Variants in LGALS13 observed in about 807,000 individuals in gnomAD.
LGALS13 encodes the protein galactoside-binding soluble lectin 13.
A neutral mutation model predicts 13.2 loss-of-function variants in LGALS13; 11 were observed. The ratio of observed to expected loss-of-function variants is 0.83; its 90% CI spans 0.52 to 1.38. LGALS13 has a LOEUF of 1.38. Among genes scored for constraint, LGALS13 ranks in the 40% most tolerant of loss-of-function variants. LGALS13 has a pLI of 0.00. For missense variants in LGALS13, 183 were observed against 174.3 expected (o/e 1.05, Z -0.28); for synonymous variants, 71 against 63.7 (o/e 1.11, Z -0.54).
At chr19:39,605,429 C>G in intron 3 of LGALS13, 41 bp downstream of exon 3, 1 of 1,543,736 alleles carries the variant, frequency 6.5e-7, no homozygotes, top group Non-Finnish European at 8.9e-7. Flanking sequence ...GCTCTGTGGG[C>G]TCCCAAAACA....
chr19:39,607,305 A>G lies in LGALS13; in HGVS notation c.386A>G (p.Asp129Gly). 1 of 1,613,798 alleles carries G rather than the reference A, an allele frequency of 6.2e-7. No homozygotes were observed. The highest frequency in any genetic ancestry group is 8.5e-7 in the Non-Finnish European group (1 of 1,179,730). Residue 129 changes from aspartate to glycine, a missense_variant, in exon 4 of 4, where the codon GAT becomes GGT. Coordinates refer to ENST00000221797, the MANE Select transcript of LGALS13 (RefSeq NM_013268.3). ...SFVKMVQVSR[D>G]ISLTSVCVCN The stretch of plus-strand genomic sequence containing the variant: ...GTGAAGATGGTGCAAGTGTCGAGAG[A>G]TATCTCCCTGACCTCAGTGTGTGTC...
intron 2 of LGALS13, 100 bp from the exon 3 acceptor site, chr19:39,605,077 CT>C (rs1972662307): frequency 1.1e-5 from 11 of 1,017,380 alleles, no homozygotes; most frequent in South Asian, 1.4e-5. Context: ...ATCTGGGAGA[CT>C]TTTTCCCTAG....
intron 3 of LGALS13, 100 bp downstream of exon 3, chr19:39,605,488 TC>T: frequency 1.1e-6 from 1 of 900,878 alleles, no homozygotes; most frequent in Non-Finnish European, 1.8e-6. Flanking sequence ...AGGGTCCATC[TC>T]CCATAACTAC....
rs1303608067 is a variant in LGALS13, at chr19:39,607,242, G to A, written c.323G>A (p.Arg108His). The part of the protein sequence containing the change: ...NEYEIKVNGI[R>H]IYGFVHRIPP... ...TTGTAGATAAAGGTCAATGGCATAC[G>A]CATTTACGGCTTTGTCCATCGAATC... is the stretch of plus-strand genomic sequence containing the variant. The change falls in exon 4 of 4, where the codon CGC becomes CAC. Residue 108 changes from arginine (R) to histidine (H), a missense_variant. Arg to His is a conservative substitution (Grantham distance 29). Coordinates refer to ENST00000221797, the MANE Select transcript of LGALS13 (RefSeq NM_013268.3). The A allele has an allele frequency of 3.7e-6, 6 of 1,613,796 alleles. No homozygotes were observed. Among genetic ancestry groups the A allele is most frequent in the South Asian group, 2.2e-5 (2 of 91,072 alleles).
At chr19:39,602,715 T>A in intron 1 of LGALS13, 132 bp downstream of exon 1, 1 of 895,588 alleles carries the variant, frequency 1.1e-6, no homozygotes, top group South Asian at 1.4e-5. Context: ...AGGTGTGGAA[T>A]AGAAACCCTG....
chr19:39,603,885 G>A, intron 1 of LGALS13: 1 of 940,610 alleles, frequency 1.1e-6, no homozygotes, highest in Non-Finnish European at 1.3e-6. Context: ...TCTACTTGTA[G>A]TCATCATAGA....
intron 1 of LGALS13, chr19:39,603,997 T>C: frequency 2.0e-6 from 2 of 985,216 alleles, no homozygotes; most frequent in African/African-American, 1.7e-5. Context: ...TGGAAGGATG[T>C]CCATGGCCCT....
At chr19:39,606,986 T>C (rs756013870) in intron 3 of LGALS13, among the ~76,000 whole-genome samples, 9 of 152,186 alleles carry the variant, frequency 5.9e-5, no homozygotes, top group Non-Finnish European at 1.2e-4. Context: ...GCAAAGACTT[T>C]GTGACACAGA....
chr19:39,604,142 T>C (rs1238711649), intron 1 of LGALS13: 3 of 349,292 alleles, frequency 8.6e-6, no homozygotes, highest in Non-Finnish European at 1.2e-5. Context: ...CTTGTTTTAA[T>C]TTTCAGAGTT....
At chr19:39,602,712 G>A in intron 1 of LGALS13, 129 bp downstream of exon 1, 1 of 914,288 alleles carries the variant, frequency 1.1e-6, no homozygotes, top group African/African-American at 1.6e-5. Context: ...TTGAGGTGTG[G>A]AATAGAAACC....
At position 39,605,175 on chromosome 19, in the gene LGALS13, C is replaced by T; in HGVS notation, c.93-3C>T. On this transcript the variant is annotated splice_polypyrimidine_tract_variant and splice_region_variant and intron_variant, in intron 2 of 3. Coordinates refer to ENST00000221797, the MANE Select transcript of LGALS13 (RefSeq NM_013268.3). Reference sequence around the variant, plus strand: ...CCCAACATTCTGCGTGCTTCACCCTCAGCAATGACCCACAGCTGCAGGTGG... The same window carrying T: ...CCCAACATTCTGCGTGCTTCACCCTTAGCAATGACCCACAGCTGCAGGTGG... 1 of 1,613,666 alleles carries T rather than the reference C, an allele frequency of 6.2e-7. No homozygotes were observed. Among genetic ancestry groups the T allele is most frequent in the South Asian group, 1.1e-5 (1 of 91,054 alleles).
rs1972653270 is a variant in LGALS13 at position 39,604,635 on chromosome 19, G to A, written c.49G>A (p.Gly17Ser). The A allele has an allele frequency of 1.2e-6, 2 of 1,614,064 alleles. No homozygotes were observed. Among genetic ancestry groups the A allele is most frequent in the African/African-American group, 1.3e-5 (1 of 74,924 alleles). Reference protein sequence around the residue: ...PYKLPVSLSVGSCVIIKGTPI... With the variant: ...PYKLPVSLSVSSCVIIKGTPI... ...CAAACTGCCTGTGTCTTTGTCTGTT[G>A]GTTCCTGCGTGATAATCAAAGGGAC... Residue 17 changes from glycine (G) to serine (S), a missense_variant, in exon 2 of 4, where the codon GGT (glycine) becomes AGT (serine). Gly to Ser is a moderately conservative substitution (Grantham distance 56, BLOSUM62 0). Transcript: ENST00000221797.
At chr19:39,604,020 T>G (rs550527631) in intron 1 of LGALS13, 2 of 978,146 alleles carry the variant, frequency 2.0e-6, no homozygotes, top group Non-Finnish European at 2.4e-6. Flanking sequence ...ATGATAGTGA[T>G]GCATGTGCAT....
At chr19:39,606,424 T>C (rs977200453) in intron 3 of LGALS13, among the ~76,000 whole-genome samples, 5 of 152,214 alleles carry the variant, frequency 3.3e-5, no homozygotes, top group African/African-American at 1.2e-4. Flanking sequence ...TCACAAATGA[T>C]GTCGTATTAA....
Position 39,605,216 on chromosome 19 carries a change from T to C in LGALS13, c.131T>C (p.Met44Thr), listed in dbSNP as rs77369992. 1 of 1,614,242 alleles carries C rather than the reference T, an allele frequency of 6.2e-7. No homozygotes were observed. The highest frequency in any genetic ancestry group is 1.3e-5 in the African/African-American group (1 of 75,064). Residue 44 changes from methionine to threonine, a missense_variant, in exon 3 of 4, where the codon ATG becomes ACG. Coordinates refer to ENST00000221797, the MANE Select transcript of LGALS13 (RefSeq NM_013268.3). ...CTGCAGGTGGATTTCTACACTGACA[T>C]GGATGAGGATTCAGATATTGCCTTC... is the stretch of plus-strand genomic sequence containing the variant. ...PQLQVDFYTD[M>T]DEDSDIAFRF...
In LGALS13 at chr19:39,607,256, G is replaced by C. The variant is rs1201016659; in HGVS notation, c.337G>C (p.Val113Leu). ...KVNGIRIYGF[V>L]HRIPPSFVKM... is the part of the protein sequence containing the mutation. ...CAATGGCATACGCATTTACGGCTTT[G>C]TCCATCGAATCCCGCCATCATTTGT... The change falls in exon 4 of 4, where the codon GTC becomes CTC. Residue 113 changes from valine to leucine, a missense_variant. Transcript: ENST00000221797. 5.6e-6 allele frequency: 9 copies of C among 1,613,904 alleles called. No individual in the cohort carries two copies. The highest frequency in any genetic ancestry group is 5.9e-6 in the Non-Finnish European group (7 of 1,179,950).
At chr19:39,605,784 C>T (rs1972679675) in intron 3 of LGALS13, among the ~76,000 whole-genome samples, 1 of 151,926 alleles carries the variant, frequency 6.6e-6, no homozygotes, top group Admixed American at 6.6e-5. Flanking sequence ...CCGAATTCTA[C>T]CATAGGAAAA....
In LGALS13 at chr19:39,607,220, T is replaced by A; in HGVS notation, c.304-3T>A. 1.2e-6 allele frequency: 2 copies of A among 1,611,172 alleles called. No homozygotes were observed. ...TCTTTCTGATGCATTTTTCCTCTTG[T>A]AGATAAAGGTCAATGGCATACGCAT... On this transcript the variant is annotated splice_region_variant and splice_polypyrimidine_tract_variant and intron_variant, in intron 3 of 3. Coordinates refer to ENST00000221797, the MANE Select transcript of LGALS13 (RefSeq NM_013268.3).
intron 1 of LGALS13, 99 bp from the exon 2 acceptor site, chr19:39,604,502 TG>T: frequency 3.1e-6 from 4 of 1,300,740 alleles, no homozygotes; most frequent in Non-Finnish European, 4.4e-6. Flanking sequence ...CCACAGAGTC[TG>T]CCCTTTCATC....
Sources: allele counts gnomAD v4.1 joint callset (sites outside exome capture counted in the v4.1 genomes callset), GRCh38; gene constraint gnomAD v4.1.1; transcripts MANE v1.5; gene names NCBI Gene and HGNC (gene_info 2026-07-23, HGNC 2026-07-21).